The following C2CD2 variants were observed in gnomAD, a reference collection of about 807,000 sequenced individuals.
The protein encoded by C2CD2 is C2 calcium dependent domain containing 2.
In C2CD2, 43 loss-of-function variants were observed where a neutral mutation model predicts 74.3. The ratio of observed to expected loss-of-function variants is 0.58; its 90% CI spans 0.45 to 0.75. C2CD2 has a LOEUF of 0.75. C2CD2 is among the 30% of genes least tolerant of loss of function. The pLI, the probability that C2CD2 is intolerant of heterozygous loss-of-function variation, is 0.00. For synonymous variants in C2CD2, 422 were observed against 390.7 expected, an observed-to-expected ratio of 1.08 and a Z score of -0.94; for missense variants, 801 against 916.3, an observed-to-expected ratio of 0.87 and a Z score of 1.63.
intron 12 of C2CD2, among the ~76,000 whole-genome samples, chr21:41,900,463 G>C (rs1417855096): frequency 6.6e-6 from 1 of 152,164 alleles, no homozygotes; most frequent in East Asian, 1.9e-4. Flanking sequence ...ATTCACCCAA[G>C]AGCGAAGAAA....
intron 2 of C2CD2, among the ~76,000 whole-genome samples, chr21:41,925,286 G>C (rs1249836194): frequency 6.6e-6 from 1 of 151,562 alleles, no homozygotes. Flanking sequence ...AGGAGTTCAA[G>C]ACTAGCCTGG....
chr21:41,920,308 A>T (rs898542953), intron 3 of C2CD2, among the ~76,000 whole-genome samples: 2 of 152,178 alleles, frequency 1.3e-5, no homozygotes, highest in Non-Finnish European at 2.9e-5. Context: ...GAAAGCTAAT[A>T]TTGCATCCTT....
At chr21:41,909,941 G>C (rs967287658) in intron 7 of C2CD2, among the ~76,000 whole-genome samples, 8 of 151,534 alleles carry the variant, frequency 5.3e-5, no homozygotes, top group African/African-American at 1.9e-4. Context: ...ACAAAATACG[G>C]AACATGATAT....
At chr21:41,947,687 T>C (rs2065413028) in intron 1 of C2CD2, among the ~76,000 whole-genome samples, 1 of 152,232 alleles carries the variant, frequency 6.6e-6, no homozygotes, top group Non-Finnish European at 1.5e-5. Context: ...TGTCTCACTA[T>C]GTCCCAGGCA....
At position 41,903,561 on chromosome 21, in the gene C2CD2, T is replaced by C. The variant is rs905546507; in HGVS notation, c.1433-1812A>G. Among the ~76,000 whole-genome samples the C allele has an allele frequency of 6.6e-6, 1 of 152,178 alleles. No homozygotes were observed. Among genetic ancestry groups the C allele is most frequent in the Non-Finnish European group, 1.5e-5 (1 of 68,030 alleles). On this transcript the variant is annotated intron_variant, in intron 11 of 13. Coordinates refer to ENST00000380486, the MANE Select transcript of C2CD2 (RefSeq NM_015500.2). The surrounding 1 kb of genome is among the most constrained non-coding windows in gnomAD (Gnocchi z 4.5). The stretch of plus-strand genomic sequence containing the variant: ...TGTTGTGAGTAGAGGAACAGATTTT[T>C]GTTTAGCCACTGACCCACACTGAGA...
In C2CD2 at chr21:41,924,990, T is replaced by A. The variant is rs563113865; in HGVS notation, c.379-2905A>T. Among the ~76,000 whole-genome samples, 1 of 152,202 alleles carries A rather than the reference T, an allele frequency of 6.6e-6. No individual in the cohort carries two copies. ...CTAGAATGCGGGACTCCAAAGCTCA[T>A]AAGTAATCACTGAAGCCCCATCACT... On this transcript the variant is annotated intron_variant, in intron 2 of 13. Transcript: ENST00000380486. The surrounding 1 kb of genome is among the most constrained non-coding windows in gnomAD (Gnocchi z 4.4).
In C2CD2 at chr21:41,918,134, T is replaced by G. The variant is rs1569070897; in HGVS notation, c.691A>C (p.Thr231Pro). The stretch of plus-strand genomic sequence containing the variant: ...GCTTCCTTTACAGTCGTGGGCTTGG[T>G]AATCAGAACCACTGATGGAGAGGCA... ...GSASPSVVLITKPTTVKEAQN... is the reference protein window; with the variant it reads ...GSASPSVVLIPKPTTVKEAQN... Residue 231 changes from threonine to proline, a missense_variant, in exon 5 of 14, where the codon ACC becomes CCC. By Grantham distance (38) the Thr-to-Pro change is conservative. Coordinates refer to ENST00000380486, the MANE Select transcript of C2CD2 (RefSeq NM_015500.2). 6.2e-7 allele frequency: 1 copy of G among 1,614,132 alleles called. No homozygotes were observed. The highest frequency in any genetic ancestry group is 8.5e-7 in the Non-Finnish European group (1 of 1,179,998).
In C2CD2 at chr21:41,953,520, G is replaced by A. The variant is rs1439965106; in HGVS notation, c.129C>T (p.Pro43=). ...GCTCCACCGCCCGCCGCTGGGGCTG[G>A]GGTCGCGCCCTGGCCAGCGCCCACT... ...LAQWALARAR[P]QPQRRAVEPG... is the part of the protein sequence containing the mutation. The change falls in exon 1 of 14, where the codon CCC becomes CCT. Residue 43 remains proline, a synonymous_variant. Coordinates refer to ENST00000380486, the MANE Select transcript of C2CD2 (RefSeq NM_015500.2). 2.0e-6 allele frequency: 3 copies of A among 1,481,194 alleles called. No individual in the cohort carries two copies. Among genetic ancestry groups the A allele is most frequent in the Non-Finnish European group, 2.7e-6 (3 of 1,118,898 alleles). 91.8% of individuals were successfully genotyped at this position (1,481,194 alleles called of 1,614,324 possible).
Position 41,926,339 on chromosome 21 carries a change from C to T in C2CD2, c.379-4254G>A, listed in dbSNP as rs182823554. The T allele has an allele frequency of 1.6e-3, 725 of 451,478 alleles. 17 individuals are homozygous for T. The highest frequency in any genetic ancestry group is 1.1e-3 in the Middle Eastern group (1 of 948). 28.0% of individuals were successfully genotyped at this position (451,478 alleles called of 1,614,324 possible). On this transcript the variant is annotated intron_variant, in intron 2 of 13. Coordinates refer to ENST00000380486, the MANE Select transcript of C2CD2 (RefSeq NM_015500.2). The surrounding 1 kb of genome is among the most constrained non-coding windows in gnomAD (Gnocchi z 8.0). ...TCTGTATAAGTGACAGAGTGTTTTTCGGAGTGGGGGGCTATTCACGGTAAG... is the reference window on the plus strand; with the variant it reads ...TCTGTATAAGTGACAGAGTGTTTTTTGGAGTGGGGGGCTATTCACGGTAAG...
chr21:41,934,801 A>G (rs1270290518), intron 2 of C2CD2, among the ~76,000 whole-genome samples: 1 of 151,894 alleles, frequency 6.6e-6, no homozygotes, highest in Non-Finnish European at 1.5e-5. Context: ...AGAACGGAGC[A>G]AGGAACCATG....
intron 10 of C2CD2, 143 bp downstream of exon 10, chr21:41,906,849 T>C: frequency 1.6e-6 from 1 of 608,790 alleles, no homozygotes; most frequent in Non-Finnish European, 2.9e-6. Flanking sequence ...AGCACAAGTG[T>C]GGCCAATTAG....
chr21:41,885,684 G>A lies in C2CD2; in HGVS notation c.*3440C>T, dbSNP rs1236816254. The A allele has an allele frequency of 6.6e-6, 1 of 152,644 alleles. No homozygotes were observed. Among genetic ancestry groups the A allele is most frequent in the Non-Finnish European group, 1.5e-5 (1 of 68,072 alleles). The allele number at this position is 152,644 out of a possible 1,614,324, so 9.5% of individuals were successfully genotyped here. ...ACCAATTTGTACTCTGAAGTTTCCA[G>A]ATCAAGAGCCGTGAGATTACTACCC... On this transcript the variant is annotated 3_prime_UTR_variant, in exon 14 of 14. Transcript: ENST00000380486.
rs9974785 is a variant in C2CD2, at chr21:41,892,884, G to A, written c.1871-3540C>T. Among the ~76,000 whole-genome samples the A allele has an allele frequency of 0.2, 30,730 of 152,272 alleles. 3,341 individuals are homozygous for A. Among genetic ancestry groups the A allele is most frequent in the East Asian group, 0.24 (1,254 of 5,178 alleles). On this transcript the variant is annotated intron_variant, in intron 13 of 13. Transcript: ENST00000380486. The surrounding 1 kb of genome is among the most constrained non-coding windows in gnomAD (Gnocchi z 4.6). ...CTGGGGGCCGGCAGACCACAGGGCT[G>A]TGTGGGTAGAAGCTGACGCAGCCCA...
intron 11 of C2CD2, among the ~76,000 whole-genome samples, chr21:41,905,214 A>G (rs1274873584): frequency 6.6e-6 from 1 of 152,154 alleles, no homozygotes; most frequent in Non-Finnish European, 1.5e-5. Context: ...TGTAGCAGGA[A>G]TATGAATGCC....
Position 41,889,154 on chromosome 21 carries a change from C to G in C2CD2, c.2061G>C (p.Met687Ile). ...LLSRHRNKNT[M>I]NGAPVEPCT The stretch of plus-strand genomic sequence containing the variant: ...TGCAGGGCTCCACGGGGGCACCGTT[C>G]ATGGTGTTCTTGTTTCTGTGCCTGG... Residue 687 changes from methionine (M) to isoleucine (I), a missense_variant, in exon 14 of 14, where the codon ATG becomes ATC. Met to Ile is a conservative substitution (Grantham distance 10, BLOSUM62 1). Transcript: ENST00000380486. 6.2e-7 allele frequency: 1 copy of G among 1,612,466 alleles called. No individual in the cohort carries two copies. Among genetic ancestry groups the G allele is most frequent in the East Asian group, 2.2e-5 (1 of 44,878 alleles).
intron 2 of C2CD2, among the ~76,000 whole-genome samples, chr21:41,925,051 G>C (rs59867806): frequency 0.059 from 8,992 of 152,252 alleles, 956 homozygotes; most frequent in African/African-American, 0.2. Flanking sequence ...CTCTAGGACA[G>C]AATGTGTGAT....
rs552851871 is a variant in C2CD2 at position 41,929,483 on chromosome 21, G to C, written c.379-7398C>G. Among the ~76,000 whole-genome samples, 62 of 151,988 alleles carry C rather than the reference G, an allele frequency of 4.1e-4. No homozygotes were observed. Among genetic ancestry groups the C allele is most frequent in the Admixed American group, 1.3e-3 (20 of 15,250 alleles). ...CCTACACAACAGACACAGACCCTGTGGCTCAGAGAAAGAAGGAAGTGCCCT... is the reference window on the plus strand; with the variant it reads ...CCTACACAACAGACACAGACCCTGTCGCTCAGAGAAAGAAGGAAGTGCCCT... On this transcript the variant is annotated intron_variant, in intron 2 of 13. Transcript: ENST00000380486. The surrounding 1 kb of genome is among the most constrained non-coding windows in gnomAD (Gnocchi z 4.6).
At chr21:41,920,660 C>T (rs1441288635) in intron 3 of C2CD2, among the ~76,000 whole-genome samples, 1 of 152,238 alleles carries the variant, frequency 6.6e-6, no homozygotes, top group Non-Finnish European at 1.5e-5. Flanking sequence ...CTGCCGCTAG[C>T]ATCAATTATT....
chr21:41,922,313 C>G (rs768367797), intron 2 of C2CD2, among the ~76,000 whole-genome samples: 1 of 151,952 alleles, frequency 6.6e-6, no homozygotes, highest in African/African-American at 2.4e-5. Context: ...GGTGTGCCCC[C>G]ACACCCACCT....
Sources: allele counts gnomAD v4.1 joint callset (sites outside exome capture counted in the v4.1 genomes callset), GRCh38; gene constraint gnomAD v4.1.1; non-coding constraint Gnocchi (gnomAD v3.1); transcripts MANE v1.5; gene names NCBI Gene and HGNC (gene_info 2026-07-23, HGNC 2026-07-21).